Variants in NPIPB2 observed in about 807,000 individuals in gnomAD.
NPIPB2 encodes nuclear pore complex-interacting protein family member B2.
NPIPB2 carries 27 observed loss-of-function variants against 30.8 expected under a neutral mutation model. That is an observed-to-expected ratio of 0.88 (90% confidence interval 0.65 to 1.21). The LOEUF (loss-of-function observed/expected upper bound fraction) is 1.21. Among genes scored for constraint, NPIPB2 ranks in the 50% most tolerant of loss-of-function variants. The pLI is 0.00. For missense variants in NPIPB2, 440 were observed against 446.2 expected, an observed-to-expected ratio of 0.99 and a Z score of 0.13; for synonymous variants, 147 against 162.0, an observed-to-expected ratio of 0.91 and a Z score of 0.70.
intron 1 of NPIPB2, among the ~76,000 whole-genome samples, chr16:11,963,380 C>CAAAAAAAAAA (rs35810741): frequency 3.2e-5 from 2 of 62,614 alleles, no homozygotes; most frequent in African/African-American, 5.1e-5. Flanking sequence ...AACTCCAGCT[C>CAAAAAAAAAA]AAAAAAAAAA....
At chr16:11,949,984 A>T (rs185077780) in intron 1 of NPIPB2, among the ~76,000 whole-genome samples, 10 of 152,250 alleles carry the variant, frequency 6.6e-5, no homozygotes, top group East Asian at 3.9e-4. Flanking sequence ...CTCAAAGAAG[A>T]GTGTTCTCTG....
At chr16:11,949,008 G>A (rs2055039828) in intron 1 of NPIPB2, among the ~76,000 whole-genome samples, 2 of 151,802 alleles carry the variant, frequency 1.3e-5, no homozygotes, top group South Asian at 4.2e-4. Context: ...TGTGGTGCCT[G>A]CCGCATGCCT....
chr16:11,943,059 C>T (rs1162926421), upstream of NPIPB2, among the ~76,000 whole-genome samples: 14 of 152,362 alleles, frequency 9.2e-5, no homozygotes, highest in Middle Eastern at 3.4e-3. Flanking sequence ...TGATGGCTCA[C>T]GCCTGTAATC....
upstream of NPIPB2, among the ~76,000 whole-genome samples, chr16:11,945,549 G>T (rs566897644): frequency 2.0e-5 from 3 of 151,438 alleles, no homozygotes; most frequent in South Asian, 4.2e-4. Context: ...GTGGTGGTAC[G>T]TCCCTGTAGT....
chr16:11,951,666 A>ACC (rs376438093), intron 1 of NPIPB2, among the ~76,000 whole-genome samples: 1,854 of 138,748 alleles, frequency 0.013, 28 homozygotes, highest in Middle Eastern at 0.02. Flanking sequence ...ACACACACAC[A>ACC]CCCAGCCCCC....
chr16:11,971,120 G>A (rs1231244654), intron 1 of NPIPB2, among the ~76,000 whole-genome samples: 1 of 150,656 alleles, frequency 6.6e-6, no homozygotes, highest in East Asian at 2.0e-4. Context: ...GCCTCCCAAA[G>A]TGCTGGGATT....
At chr16:11,971,964 G>A (rs901316948) in intron 1 of NPIPB2, among the ~76,000 whole-genome samples, 1 of 151,750 alleles carries the variant, frequency 6.6e-6, no homozygotes, top group African/African-American at 2.4e-5. Flanking sequence ...CGCCAACATA[G>A]TGAAACCCCA....
chr16:11,951,666 A>ACACACACACATC (rs1226047972), intron 1 of NPIPB2, among the ~76,000 whole-genome samples: 1 of 138,874 alleles, frequency 7.2e-6, no homozygotes, highest in Non-Finnish European at 1.6e-5. Flanking sequence ...ACACACACAC[A>ACACACACACATC]CCCAGCCCCC....
At chr16:11,974,309 G>C (rs942014901) in intron 1 of NPIPB2, among the ~76,000 whole-genome samples, 1 of 152,100 alleles carries the variant, frequency 6.6e-6, no homozygotes, top group African/African-American at 2.4e-5. Flanking sequence ...CCTGAGGTCA[G>C]GAGTTCAAGG....
intron 1 of NPIPB2, among the ~76,000 whole-genome samples, chr16:11,940,408 G>C (rs933130174): frequency 7.4e-6 from 1 of 135,750 alleles, no homozygotes; most frequent in East Asian, 2.1e-4. Context: ...GTTTATGCTG[G>C]TGTATGTACT....
intron 4 of NPIPB2, 46 bp downstream of exon 4, chr16:11,933,471 T>G (rs1195322241): frequency 6.3e-7 from 1 of 1,595,636 alleles, no homozygotes; most frequent in Non-Finnish European, 8.5e-7. Context: ...CTACTTTGAT[T>G]GGCACATGGT....
upstream of NPIPB2, among the ~76,000 whole-genome samples, chr16:11,945,329 T>G (rs1291817993): frequency 6.6e-6 from 1 of 151,908 alleles, no homozygotes; most frequent in East Asian, 1.9e-4. Context: ...TGCAGTGAGC[T>G]CTGATGGCAC....
chr16:11,965,589 T>A, intron 1 of NPIPB2: 11 of 896,650 alleles, frequency 1.2e-5, no homozygotes, highest in Non-Finnish European at 1.8e-5. Flanking sequence ...AGCAAGGCAG[T>A]GATTTTAATG....
intron 1 of NPIPB2, among the ~76,000 whole-genome samples, chr16:11,947,338 T>A (rs200101103): frequency 2.0e-4 from 17 of 85,752 alleles, no homozygotes; most frequent in East Asian, 5.1e-4. Flanking sequence ...ATATATATAT[T>A]TATTTATTTA....
chr16:11,938,101 C>T (rs927145602), intron 1 of NPIPB2, among the ~76,000 whole-genome samples: 1 of 152,164 alleles, frequency 6.6e-6, no homozygotes, highest in African/African-American at 2.4e-5. Context: ...TCACTGCAAC[C>T]TCCAGCTCCT....
intron 1 of NPIPB2, among the ~76,000 whole-genome samples, chr16:11,949,375 C>T (rs2055043232): frequency 6.6e-6 from 1 of 152,178 alleles, no homozygotes; most frequent in Non-Finnish European, 1.5e-5. Context: ...GTGACCAGCG[C>T]TACATAGCTG....
chr16:11,957,634 T>G (rs151220650), intron 1 of NPIPB2, among the ~76,000 whole-genome samples: 714 of 152,216 alleles, frequency 4.7e-3, no homozygotes, highest in Middle Eastern at 6.8e-3. Flanking sequence ...CTGCCCTTCA[T>G]AATGTGCGTG....
At chr16:11,932,867 A>G (rs2054809775) in intron 4 of NPIPB2, among the ~76,000 whole-genome samples, 1 of 145,804 alleles carries the variant, frequency 6.9e-6, no homozygotes, top group Non-Finnish European at 1.5e-5. Context: ...AAGCTGAGGC[A>G]GAATTGCTTC....
chr16:11,933,855 C>T, exon 3 of NPIPB2: 20 of 1,576,078 alleles, frequency 1.3e-5, no homozygotes, highest in Non-Finnish European at 1.6e-5. Flanking sequence ...GACCTCCTGG[C>T]TCTCTGCTGT....
Sources: gnomAD v4.1 joint callset for allele counts (sites outside exome capture counted in the v4.1 genomes callset) on GRCh38, gnomAD v4.1.1 for gene constraint, MANE v1.5 for transcripts, NCBI Gene and HGNC (gene_info 2026-07-23, HGNC 2026-07-21) for gene names.